ZNF560: variants seen among roughly 807,000 people sequenced by gnomAD.
ZNF560 encodes the protein zinc finger protein 560.
ZNF560 carries 54 observed loss-of-function variants against 81.8 expected under a neutral mutation model. The ratio of observed to expected loss-of-function variants is 0.66; its 90% CI spans 0.53 to 0.83. The LOEUF (loss-of-function observed/expected upper bound fraction) is 0.83, where lower values mean the gene tolerates loss of function less well. Among genes scored for constraint, ZNF560 ranks in the 40% least tolerant of loss-of-function variants. ZNF560 has a pLI of 0.00. For missense variants in ZNF560, 940 were observed against 932.4 expected (o/e 1.01, Z -0.11); for synonymous variants, 321 against 317.9 (o/e 1.01, Z -0.10).
the ZNF560 span, among the ~76,000 whole-genome samples, chr19:9,452,419 T>C: frequency 1.3e-5 from 2 of 152,032 alleles, no homozygotes; most frequent in East Asian, 1.9e-4. Context: ...CAAAAGAAAA[T>C]AGATTTTTCT....
At chr19:9,501,457 C>G (rs1193154656), upstream of ZNF560, among the ~76,000 whole-genome samples, 3 of 151,308 alleles carry the variant, frequency 2.0e-5, no homozygotes, top group Admixed American at 6.6e-5. Flanking sequence ...CTCCCGGGTT[C>G]AAGCGATTCT....
intron 2 of ZNF560, among the ~76,000 whole-genome samples, chr19:9,488,833 T>C (rs1344852516): frequency 6.6e-6 from 1 of 152,100 alleles, no homozygotes; most frequent in Non-Finnish European, 1.5e-5. Context: ...TGGTGGGAGA[T>C]GATTGGATCA....
chr19:9,462,344 C>T (rs1354545306), downstream of ZNF560, among the ~76,000 whole-genome samples: 1 of 152,244 alleles, frequency 6.6e-6, no homozygotes, highest in Non-Finnish European at 1.5e-5. Context: ...GCCTTAATGA[C>T]ATGCTCCTGC....
chr19:9,475,903 G>A (rs569985461), intron 2 of ZNF560, among the ~76,000 whole-genome samples: 2 of 152,298 alleles, frequency 1.3e-5, no homozygotes, highest in South Asian at 4.1e-4. Flanking sequence ...ACTGCACCTA[G>A]CCAGGTAAAG....
At chr19:9,469,233 G>C in intron 8 of ZNF560, 46 bp from the exon 9 acceptor site, 3 of 1,399,152 alleles carry the variant, frequency 2.1e-6, no homozygotes, top group Non-Finnish European at 1.9e-6. Flanking sequence ...CACATGAAAT[G>C]GTAGGTTAAA....
the ZNF560 span, among the ~76,000 whole-genome samples, chr19:9,450,053 G>A: frequency 2.0e-5 from 3 of 150,958 alleles, no homozygotes; most frequent in Admixed American, 2.0e-4. Flanking sequence ...AGCACTTTGG[G>A]ACACTGAGGC....
the ZNF560 span, among the ~76,000 whole-genome samples, chr19:9,452,506 C>A: frequency 6.6e-6 from 1 of 152,122 alleles, no homozygotes; most frequent in African/African-American, 2.4e-5. Context: ...AACCTAAATG[C>A]CAATCAACAG....
intron 2 of ZNF560, among the ~76,000 whole-genome samples, chr19:9,491,995 G>A (rs371454435): frequency 3.5e-3 from 2 of 578 alleles, no homozygotes; most frequent in Admixed American, 0.033. Flanking sequence ...TTTTCTTTTG[G>A]GGGGGGGACA....
At chr19:9,497,306 G>C (rs907558388) in intron 2 of ZNF560, among the ~76,000 whole-genome samples, 4 of 151,960 alleles carry the variant, frequency 2.6e-5, no homozygotes, top group Non-Finnish European at 5.9e-5. Flanking sequence ...CATTGAGTCA[G>C]GCATTACCCA....
At chr19:9,471,493 A>T in intron 5 of ZNF560, 115 bp from the exon 6 acceptor site, 1 of 744,906 alleles carries the variant, frequency 1.3e-6, no homozygotes. Flanking sequence ...CATAAGAAAA[A>T]AGAAAGCTAA....
chr19:9,449,662 A>G, the ZNF560 span, among the ~76,000 whole-genome samples: 1 of 152,210 alleles, frequency 6.6e-6, no homozygotes, highest in Non-Finnish European at 1.5e-5. Flanking sequence ...CAAAAGCTGG[A>G]AGCACCCCAC....
chr19:9,473,029 C>T (rs907144241), intron 5 of ZNF560, 150 bp downstream of exon 5: 14 of 664,984 alleles, frequency 2.1e-5, no homozygotes, highest in African/African-American at 1.1e-4. Context: ...TTCTGTAGAG[C>T]CTGCAGAATC....
In ZNF560 at chr19:9,466,676, T is replaced by G; in HGVS notation, c.2271A>C (p.Gln757His). 1 of 1,614,128 alleles carries G rather than the reference T, an allele frequency of 6.2e-7. No homozygotes were observed. The change falls in exon 10 of 10, where the codon CAA (glutamine) becomes CAC (histidine). Residue 757 changes from glutamine (Q) to histidine (H), a missense_variant. Physicochemically the swap from Gln to His is conservative, Grantham distance 24. Coordinates refer to ENST00000301480, the MANE Select transcript of ZNF560 (RefSeq NM_152476.3). Reference protein sequence around the residue: ...KAFRTSSGRIQHLRTHMGEKP... With the variant: ...KAFRTSSGRIHHLRTHMGEKP... Reference sequence around the variant, plus strand: ...TCTCTCCCATATGAGTTCTTAAATGTTGAATACGTCCTGAGGATGTACGGA... The same window carrying G: ...TCTCTCCCATATGAGTTCTTAAATGGTGAATACGTCCTGAGGATGTACGGA...
At chr19:9,497,476 A>T (rs1295459744) in intron 2 of ZNF560, among the ~76,000 whole-genome samples, 2 of 148,528 alleles carry the variant, frequency 1.3e-5, no homozygotes, top group Non-Finnish European at 3.0e-5. Flanking sequence ...CAGAGGTTGC[A>T]GTGAGGCGAG....
intron 2 of ZNF560, among the ~76,000 whole-genome samples, chr19:9,485,169 T>G (rs1328258184): frequency 6.6e-6 from 1 of 152,136 alleles, no homozygotes; most frequent in Admixed American, 6.5e-5. Flanking sequence ...CATCTAAGAA[T>G]ATCTAAACCA....
At chr19:9,479,656 C>T (rs537896154) in intron 2 of ZNF560, among the ~76,000 whole-genome samples, 32 of 152,146 alleles carry the variant, frequency 2.1e-4, no homozygotes, top group Admixed American at 7.2e-4. Context: ...AAAAAAAATG[C>T]ATGGGTCCAA....
intron 9 of ZNF560, 144 bp from the exon 10 acceptor site, chr19:9,468,478 T>G: frequency 1.7e-6 from 1 of 603,860 alleles, no homozygotes; most frequent in Non-Finnish European, 2.7e-6. Context: ...TCCTTCAACT[T>G]GAATAATGGA....
At chr19:9,483,733 G>T (rs1276792531) in intron 2 of ZNF560, among the ~76,000 whole-genome samples, 2 of 151,644 alleles carry the variant, frequency 1.3e-5, no homozygotes, top group Non-Finnish European at 2.9e-5. Flanking sequence ...CCTCTGCCCG[G>T]CTGCCCCTTC....
intron 5 of ZNF560, among the ~76,000 whole-genome samples, chr19:9,472,948 C>T (rs1312016606): frequency 6.6e-6 from 1 of 152,150 alleles, no homozygotes. Context: ...TTTGTCTGCT[C>T]CTCCTTTGCC....
Sources: gnomAD v4.1 joint callset for allele counts (sites outside exome capture counted in the v4.1 genomes callset) on GRCh38, gnomAD v4.1.1 for gene constraint, MANE v1.5 for transcripts, NCBI Gene and HGNC (gene_info 2026-07-23, HGNC 2026-07-21) for gene names.